Variants in INPP4B observed in about 807,000 individuals in gnomAD.
The protein encoded by INPP4B is inositol polyphosphate-4-phosphatase type II B.
Under a neutral mutation model 122.5 loss-of-function variants are expected in INPP4B, and 55 were observed. The observed-to-expected ratio is 0.45, with a 90% CI of 0.36 to 0.56. INPP4B has a LOEUF of 0.56. INPP4B is among the 20% of genes least tolerant of loss of function. The pLI is 0.00. For synonymous variants in INPP4B, 403 were observed against 388.7 expected (o/e 1.04, Z -0.43); for missense variants, 1,000 against 1,097.7 (o/e 0.91, Z 1.26).
chr4:142,370,561 C>CA (rs906623830), intron 7 of INPP4B, among the ~76,000 whole-genome samples: 26 of 151,298 alleles, frequency 1.7e-4, no homozygotes, highest in Middle Eastern at 3.4e-3. Context: ...AAGACTCTAC[C>CA]AAAAAAAATC....
At chr4:142,128,332 C>T (rs531620771) in intron 18 of INPP4B, among the ~76,000 whole-genome samples, 33 of 137,900 alleles carry the variant, frequency 2.4e-4, no homozygotes, top group Middle Eastern at 3.6e-3. Flanking sequence ...TTCAGGATTT[C>T]GTACTTTTAT....
At chr4:142,084,274 C>T (rs1648659452) in intron 24 of INPP4B, among the ~76,000 whole-genome samples, 1 of 152,028 alleles carries the variant, frequency 6.6e-6, no homozygotes, top group Admixed American at 6.6e-5. Flanking sequence ...CAGGCATGTG[C>T]CACCATGCCC....
intron 2 of INPP4B, among the ~76,000 whole-genome samples, chr4:142,713,915 G>GCA (rs1763425200): frequency 1.3e-5 from 2 of 152,148 alleles, no homozygotes; most frequent in Non-Finnish European, 2.9e-5. Context: ...TTCTTCTAAA[G>GCA]CAGCATTTTA....
chr4:142,831,244 A>T (rs1782097065), intron 1 of INPP4B, among the ~76,000 whole-genome samples: 1 of 152,182 alleles, frequency 6.6e-6, no homozygotes, highest in African/African-American at 2.4e-5. Flanking sequence ...CAATACTGCC[A>T]TGTAGATAGT....
At chr4:142,264,739 G>C (rs981303341) in intron 10 of INPP4B, among the ~76,000 whole-genome samples, 1 of 152,170 alleles carries the variant, frequency 6.6e-6, no homozygotes, top group Non-Finnish European at 1.5e-5. Context: ...TTTATATAAA[G>C]GTACTGTTAT....
At chr4:142,224,706 T>TTATA (rs1266636963) in intron 12 of INPP4B, among the ~76,000 whole-genome samples, 1 of 152,092 alleles carries the variant, frequency 6.6e-6, no homozygotes, top group Non-Finnish European at 1.5e-5. Context: ...ATAGATATAT[T>TTATA]TATCACTGTT....
intron 7 of INPP4B, among the ~76,000 whole-genome samples, chr4:142,376,090 C>A (rs1201483345): frequency 1.3e-5 from 2 of 151,892 alleles, no homozygotes; most frequent in Non-Finnish European, 2.9e-5. Context: ...TATGTCATTT[C>A]TTTATAGTTT....
chr4:142,250,253 T>C (rs1731293998), intron 11 of INPP4B, among the ~76,000 whole-genome samples: 1 of 152,202 alleles, frequency 6.6e-6, no homozygotes, highest in South Asian at 2.1e-4. Context: ...GGTGAGGCCT[T>C]AGGGGAAAGT....
rs141981570 is a variant in INPP4B at position 142,640,918 on chromosome 4, G to C, written c.-191+84921C>G. 8.0e-3 allele frequency among the ~76,000 whole-genome samples: 1,213 copies of C among 152,212 alleles called. 12 individuals carry two copies. The highest frequency in any genetic ancestry group is 0.026 in the African/African-American group (1,067 of 41,536). ...ATTGGCTAAAATTTAAAAAGGCTTTGAATCACAAATTTGGATGAAGATGTG... is the reference window on the plus strand; with the variant it reads ...ATTGGCTAAAATTTAAAAAGGCTTTCAATCACAAATTTGGATGAAGATGTG... On this transcript the variant is annotated intron_variant, in intron 2 of 25. Transcript: ENST00000262992.
intron 3 of INPP4B, among the ~76,000 whole-genome samples, chr4:142,442,411 CAA>C (rs70949167): frequency 3.2e-4 from 25 of 78,618 alleles, no homozygotes; most frequent in African/African-American, 1.1e-3. Flanking sequence ...GACTCCATCT[CAA>C]AAAAAAAAAA....
At chr4:142,459,142 T>C (rs1171057267) in intron 3 of INPP4B, among the ~76,000 whole-genome samples, 1 of 152,110 alleles carries the variant, frequency 6.6e-6, no homozygotes, top group Non-Finnish European at 1.5e-5. Context: ...TTGGTGTTTG[T>C]GTTTGTTAGG....
chr4:142,820,536 T>A (rs190211499), intron 1 of INPP4B, among the ~76,000 whole-genome samples: 2 of 152,166 alleles, frequency 1.3e-5, no homozygotes, highest in Non-Finnish European at 2.9e-5. Context: ...CTTTTATTTA[T>A]AAATTACCCA....
chr4:142,721,756 G>A (rs1764719110), intron 2 of INPP4B, among the ~76,000 whole-genome samples: 1 of 152,150 alleles, frequency 6.6e-6, no homozygotes, highest in South Asian at 2.1e-4. Flanking sequence ...GGGAGGCAGA[G>A]ATTGCAGTGA....
At chr4:142,384,960 A>G (rs79051573) in intron 7 of INPP4B, among the ~76,000 whole-genome samples, 4 of 152,174 alleles carry the variant, frequency 2.6e-5, no homozygotes, top group African/African-American at 9.7e-5. Context: ...GCATGGCTGC[A>G]TAATATTCCA....
chr4:142,593,738 T>C (rs1222284058), intron 2 of INPP4B, among the ~76,000 whole-genome samples: 3 of 152,118 alleles, frequency 2.0e-5, no homozygotes, highest in Non-Finnish European at 2.9e-5. Context: ...ACAATATTAT[T>C]ATTATCGTTG....
chr4:142,744,250 A>T (rs1036789208), intron 1 of INPP4B, among the ~76,000 whole-genome samples: 1 of 152,110 alleles, frequency 6.6e-6, no homozygotes, highest in Admixed American at 6.6e-5. Flanking sequence ...AAGAGAAATC[A>T]GTTGAAGTTC....
At chr4:142,766,116 G>A (rs1163075511) in intron 1 of INPP4B, 2 of 151,870 alleles carry the variant, frequency 1.3e-5, no homozygotes, top group Non-Finnish European at 2.9e-5. Flanking sequence ...AGAAATATCA[G>A]AATACCTACC....
intron 7 of INPP4B, among the ~76,000 whole-genome samples, chr4:142,321,882 A>G (rs1770218745): frequency 6.6e-6 from 1 of 152,028 alleles, no homozygotes; most frequent in Non-Finnish European, 1.5e-5. Context: ...ATGCCTCCAG[A>G]TTTGTTCTAA....
At chr4:142,138,026 C>T (rs1805568064) in intron 18 of INPP4B, among the ~76,000 whole-genome samples, 1 of 152,022 alleles carries the variant, frequency 6.6e-6, no homozygotes, top group South Asian at 2.1e-4. Flanking sequence ...CCCAGCCATC[C>T]CATTACTGGG....
Sources: allele counts gnomAD v4.1 joint callset (sites outside exome capture counted in the v4.1 genomes callset), GRCh38; gene constraint gnomAD v4.1.1; transcripts MANE v1.5; gene names NCBI Gene and HGNC (gene_info 2026-07-23, HGNC 2026-07-21).